CDH20: variants seen among roughly 807,000 people sequenced by gnomAD.
CDH20 encodes cadherin-20.
A neutral mutation model predicts 74.2 loss-of-function variants in CDH20; 29 were observed. The observed-to-expected ratio is 0.39, with a 90% CI of 0.29 to 0.53. The LOEUF is 0.53. Ranked by LOEUF, CDH20 falls within the 20% of genes least tolerant of loss-of-function variation. CDH20 has a pLI of 0.69. For missense variants in CDH20, 988 were observed against 1,048.3 expected (o/e 0.94, Z 0.79); for synonymous variants, 469 against 405.4 (o/e 1.16, Z -1.88).
Position 61,461,989 on chromosome 18 carries a change from G to T in CDH20, c.-152-28413G>T, listed in dbSNP as rs543474977. The stretch of plus-strand genomic sequence containing the variant: ...TTGGCCCGCATTCAGAGGCTGCAGT[G>T]AAGTTACAAAGTTACACTCCTATGC... On this transcript the variant is annotated intron_variant, in intron 1 of 11. Coordinates refer to ENST00000262717, the MANE Select transcript of CDH20 (RefSeq NM_031891.4). Among the ~76,000 whole-genome samples, 3 of 152,256 alleles carry T rather than the reference G, an allele frequency of 2.0e-5. No homozygotes were observed. In the East Asian group the frequency reaches 5.8e-4, roughly 29 times the overall value.
chr18:61,539,772 G>C (rs539017413), intron 9 of CDH20, among the ~76,000 whole-genome samples: 147 of 152,122 alleles, frequency 9.7e-4, no homozygotes, highest in African/African-American at 3.4e-3. Context: ...GGGACTCCCT[G>C]GCCTATCTCA....
At chr18:61,336,823 G>GC (rs934732602) in intron 1 of CDH20, among the ~76,000 whole-genome samples, 1 of 150,846 alleles carries the variant, frequency 6.6e-6, no homozygotes, top group Non-Finnish European at 1.5e-5. Flanking sequence ...TATATGGGGG[G>GC]GGGTGATGAG....
intron 1 of CDH20, among the ~76,000 whole-genome samples, chr18:61,466,556 A>C (rs1035761547): frequency 2.0e-5 from 3 of 152,154 alleles, no homozygotes; most frequent in Admixed American, 1.3e-4. Context: ...TGTTCGAAAC[A>C]ATCTAGGGGA....
At chr18:61,461,304 C>T (rs1048418543) in intron 1 of CDH20, among the ~76,000 whole-genome samples, 2 of 105,638 alleles carry the variant, frequency 1.9e-5, no homozygotes, top group African/African-American at 6.7e-5. Context: ...GTTGACGTAA[C>T]AAAGTACCAC....
chr18:61,368,023 A>G (rs574708808), intron 1 of CDH20, among the ~76,000 whole-genome samples: 147 of 152,262 alleles, frequency 9.7e-4, no homozygotes, highest in African/African-American at 3.1e-3. Context: ...ACCTGTGCCA[A>G]GAACCTATCT....
chr18:61,430,789 T>A (rs1045621047), intron 1 of CDH20, among the ~76,000 whole-genome samples: 8 of 152,172 alleles, frequency 5.3e-5, no homozygotes, highest in Non-Finnish European at 8.8e-5. Context: ...CATGCCATCA[T>A]TTGTTTTTCA....
chr18:61,494,329 T>C lies in CDH20; in HGVS notation c.246+3530T>C, dbSNP rs373002904. Among the ~76,000 whole-genome samples the C allele has an allele frequency of 4.6e-5, 7 of 152,272 alleles. No individual in the cohort carries two copies. In the East Asian group the frequency reaches 1.4e-3, roughly 29 times the overall value. ...TTCCTGAACCCTTGATCTCTCATGC[T>C]GGGTAGTTCTTAGCTGTGTAGCACC... On this transcript the variant is annotated intron_variant, in intron 2 of 11. Coordinates refer to ENST00000262717, the MANE Select transcript of CDH20 (RefSeq NM_031891.4).
chr18:61,541,971 G>T (rs1431903699), intron 9 of CDH20, among the ~76,000 whole-genome samples: 2 of 152,130 alleles, frequency 1.3e-5, no homozygotes, highest in Non-Finnish European at 2.9e-5. Context: ...CAGACTTAGC[G>T]ATTTGTATCT....
At chr18:61,403,395 T>A (rs2144230461) in intron 1 of CDH20, among the ~76,000 whole-genome samples, 1 of 152,344 alleles carries the variant, frequency 6.6e-6, no homozygotes, top group South Asian at 2.1e-4. Context: ...TAGAGTTATC[T>A]TTAAAATACT....
chr18:61,469,447 T>G (rs1910085822), intron 1 of CDH20, among the ~76,000 whole-genome samples: 1 of 151,916 alleles, frequency 6.6e-6, no homozygotes, highest in African/African-American at 2.4e-5. Flanking sequence ...GACTGGGTTG[T>G]CACACACACA....
chr18:61,502,269 G>A (rs745340731), intron 4 of CDH20, among the ~76,000 whole-genome samples: 46 of 152,042 alleles, frequency 3.0e-4, no homozygotes, highest in Non-Finnish European at 1.3e-4. Context: ...AAATGAAACC[G>A]TATCTGCTGC....
intron 1 of CDH20, among the ~76,000 whole-genome samples, chr18:61,431,402 T>C (rs1276277427): frequency 2.0e-5 from 3 of 152,162 alleles, no homozygotes; most frequent in African/African-American, 7.2e-5. Context: ...AGTATGGACG[T>C]TAGTTAATAA....
chr18:61,520,190 C>A (rs1368881328), intron 6 of CDH20, among the ~76,000 whole-genome samples: 1 of 150,332 alleles, frequency 6.7e-6, no homozygotes, highest in Non-Finnish European at 1.5e-5. Context: ...GTGGTGGGCA[C>A]CTGTACTCCC....
chr18:61,431,468 C>T (rs1913253628), intron 1 of CDH20, among the ~76,000 whole-genome samples: 1 of 152,098 alleles, frequency 6.6e-6, no homozygotes, highest in Non-Finnish European at 1.5e-5. Flanking sequence ...AAAGTATGGA[C>T]TAGTTAATAA....
intron 1 of CDH20, among the ~76,000 whole-genome samples, chr18:61,391,359 T>C (rs1911773158): frequency 6.6e-6 from 1 of 152,128 alleles, no homozygotes. Context: ...TATGCACTAT[T>C]AGTGAGAGAA....
intron 1 of CDH20, among the ~76,000 whole-genome samples, chr18:61,484,050 T>C (rs1910676898): frequency 6.6e-6 from 1 of 152,218 alleles, no homozygotes; most frequent in African/African-American, 2.4e-5. Context: ...ACTGCAGGAT[T>C]TTCCTAACTT....
At chr18:61,538,956 C>T in intron 8 of CDH20, 68 bp from the exon 9 acceptor site, 3 of 1,501,398 alleles carry the variant, frequency 2.0e-6, no homozygotes, top group Non-Finnish European at 2.7e-6. Context: ...CTAGCAAAAA[C>T]CATTACTCTT....
At chr18:61,363,200 T>A (rs1910756545) in intron 1 of CDH20, among the ~76,000 whole-genome samples, 1 of 152,156 alleles carries the variant, frequency 6.6e-6, no homozygotes, top group Non-Finnish European at 1.5e-5. Context: ...TGATAAAAAA[T>A]AACATACTTA....
chr18:61,386,996 C>T (rs927267368), intron 1 of CDH20, among the ~76,000 whole-genome samples: 10 of 152,134 alleles, frequency 6.6e-5, no homozygotes, highest in Non-Finnish European at 1.0e-4. Flanking sequence ...ACTGTTATAA[C>T]TCTTATACTT....
Sources: gnomAD v4.1 joint callset for allele counts (sites outside exome capture counted in the v4.1 genomes callset) on GRCh38, gnomAD v4.1.1 for gene constraint, MANE v1.5 for transcripts, NCBI Gene and HGNC (gene_info 2026-07-23, HGNC 2026-07-21) for gene names.